Variants in SMAD2 observed in about 807,000 individuals in gnomAD.
SMAD2 encodes the protein SMAD family member 2, also known as MAD homolog 2.
Under a neutral mutation model 64.4 loss-of-function variants are expected in SMAD2, and 8 were observed. The observed-to-expected ratio is 0.12, with a 90% CI of 0.07 to 0.22. The LOEUF is 0.22. SMAD2 is among the 10% of genes least tolerant of loss of function. The pLI is 1.00. For synonymous variants in SMAD2, 203 were observed against 195.8 expected, an observed-to-expected ratio of 1.04 and a Z score of -0.31; for missense variants, 289 against 561.2, an observed-to-expected ratio of 0.51 and a Z score of 4.90.
chr18:47,886,316 A>G (rs111407696), intron 2 of SMAD2, among the ~76,000 whole-genome samples: 11 of 152,226 alleles, frequency 7.2e-5, no homozygotes, highest in African/African-American at 2.7e-4. Context: ...GGTTATGTTT[A>G]GATAACATGT....
intron 1 of SMAD2, among the ~76,000 whole-genome samples, chr18:47,919,538 CAAA>C (rs1162828390): frequency 5.1e-5 from 7 of 138,024 alleles, no homozygotes; most frequent in African/African-American, 1.9e-4. Context: ...GGAGATCTAA[CAAA>C]GAAGAAAAAA....
intron 1 of SMAD2, among the ~76,000 whole-genome samples, chr18:47,902,978 C>T (rs1654887424): frequency 6.6e-6 from 1 of 152,132 alleles, no homozygotes; most frequent in Admixed American, 6.5e-5. Context: ...CACTCATCCC[C>T]ATAGGTTTCC....
intron 2 of SMAD2, among the ~76,000 whole-genome samples, chr18:47,894,993 C>A (rs765068884): frequency 5.9e-5 from 9 of 152,194 alleles, no homozygotes; most frequent in Admixed American, 1.3e-4. Context: ...CAGCCTCTAT[C>A]GTCTTGCATT....
intron 2 of SMAD2, among the ~76,000 whole-genome samples, chr18:47,895,876 T>C (rs904780342): frequency 6.6e-6 from 1 of 152,244 alleles, no homozygotes; most frequent in Non-Finnish European, 1.5e-5. Context: ...AAATCTGTAA[T>C]GTACACAAGT....
intron 10 of SMAD2, among the ~76,000 whole-genome samples, chr18:47,843,548 A>C (rs2144282074): frequency 6.6e-6 from 1 of 152,356 alleles, no homozygotes; most frequent in Non-Finnish European, 1.5e-5. Context: ...GATGACATTA[A>C]GGAAATTTAA....
At chr18:47,922,763 A>C (rs908562073) in intron 1 of SMAD2, 1 of 152,264 alleles carries the variant, frequency 6.6e-6, no homozygotes, top group Non-Finnish European at 1.5e-5. Flanking sequence ...ACCTCAAAAA[A>C]ATTAAAATAC....
intron 6 of SMAD2, among the ~76,000 whole-genome samples, chr18:47,859,191 G>A (rs757964822): frequency 5.9e-5 from 9 of 152,026 alleles, no homozygotes; most frequent in Admixed American, 1.3e-4. Context: ...AAAGACACAC[G>A]AAGCAAAAAC....
chr18:47,846,575 T>C (rs1489317607), intron 8 of SMAD2, among the ~76,000 whole-genome samples: 1 of 152,148 alleles, frequency 6.6e-6, no homozygotes, highest in Middle Eastern at 3.2e-3. Context: ...GCTAAGTGAT[T>C]CAAAGCATGA....
Position 47,823,840 on chromosome 18 carries a change from T to C in SMAD2, c.*17987A>G, listed in dbSNP as rs1225702635. ...GTGTATTTCCTTTTTAAACTTTGTATCTGTTATTTGCCAAATTTTCTGCAG... is the reference window on the plus strand; with the variant it reads ...GTGTATTTCCTTTTTAAACTTTGTACCTGTTATTTGCCAAATTTTCTGCAG... On this transcript the variant is annotated 3_prime_UTR_variant, in exon 11 of 11. Transcript: ENST00000262160. The C allele has an allele frequency of 1.3e-5, 2 of 152,208 alleles. No individual in the cohort carries two copies. The highest frequency in any genetic ancestry group is 2.9e-5 in the Non-Finnish European group (2 of 68,028). 9.4% of individuals were successfully genotyped at this position (152,208 alleles called of 1,614,324 possible).
intron 2 of SMAD2, among the ~76,000 whole-genome samples, chr18:47,885,668 A>G (rs1225303812): frequency 6.6e-6 from 1 of 152,168 alleles, no homozygotes; most frequent in Non-Finnish European, 1.5e-5. Context: ...CAATACAACA[A>G]TGAAGAATAC....
intron 2 of SMAD2, among the ~76,000 whole-genome samples, chr18:47,884,175 T>TTAA (rs2032762209): frequency 1.3e-5 from 2 of 152,334 alleles, no homozygotes; most frequent in East Asian, 3.9e-4. Flanking sequence ...TCATGCCCTC[T>TTAA]TGGTGCATGT....
chr18:47,900,864 G>A (rs1230498633), intron 1 of SMAD2, among the ~76,000 whole-genome samples: 1 of 152,068 alleles, frequency 6.6e-6, no homozygotes, highest in East Asian at 1.9e-4. Flanking sequence ...CAAAAGCATA[G>A]TGTTTTATTT....
In SMAD2 at chr18:47,835,380, C is replaced by T. The variant is rs1913321942; in HGVS notation, c.*6447G>A. On this transcript the variant is annotated 3_prime_UTR_variant, in exon 11 of 11. Coordinates refer to ENST00000262160, the MANE Select transcript of SMAD2 (RefSeq NM_005901.6). ...AGTTATATAAAGCAATGGATTTCCA[C>T]ATTCTTAAAGCAGGAACCTATATTC... 4.9e-6 allele frequency: 1 copy of T among 203,580 alleles called. No individual in the cohort carries two copies. The highest frequency in any genetic ancestry group is 1.0e-5 in the Non-Finnish European group (1 of 99,240). 12.6% of individuals were successfully genotyped at this position (203,580 alleles called of 1,614,324 possible).
chr18:47,845,826 G>A (rs766710147), intron 8 of SMAD2, 26 bp from the exon 9 acceptor site: 2 of 1,605,662 alleles, frequency 1.2e-6, no homozygotes, highest in East Asian at 2.2e-5. Flanking sequence ...AATGAGATTA[G>A]TTTTGTAACA....
chr18:47,905,751 T>A (rs2033877101), intron 1 of SMAD2, among the ~76,000 whole-genome samples: 1 of 152,164 alleles, frequency 6.6e-6, no homozygotes, highest in African/African-American at 2.4e-5. Flanking sequence ...AGCAGAATCT[T>A]AAGCTCTTAG....
chr18:47,854,547 T>G (rs903278817), intron 6 of SMAD2, among the ~76,000 whole-genome samples: 1 of 152,178 alleles, frequency 6.6e-6, no homozygotes, highest in Non-Finnish European at 1.5e-5. Context: ...TTTTAGCCAA[T>G]TCTATTAACT....
At chr18:47,885,174 C>CCTAG (rs1568082479) in intron 2 of SMAD2, among the ~76,000 whole-genome samples, 1 of 116,396 alleles carries the variant, frequency 8.6e-6, no homozygotes, top group African/African-American at 3.0e-5. Context: ...CACACACACA[C>CCTAG]ACACACACAT....
At position 47,841,980 on chromosome 18, in the gene SMAD2, T is replaced by C. The variant is rs1362452976; in HGVS notation, c.1281-30A>G. 5 of 1,613,688 alleles carry C rather than the reference T, an allele frequency of 3.1e-6. No homozygotes were observed. In the South Asian group the frequency reaches 3.3e-5, roughly 11 times the overall value. On this transcript the variant is annotated intron_variant, in intron 10 of 10. Coordinates refer to ENST00000262160, the MANE Select transcript of SMAD2 (RefSeq NM_005901.6). Reference sequence around the variant, plus strand: ...TTAAAAGAATACAGGAAAATGATTATGAAATTCAAGTCCACAGGCAGGGAA... The same window carrying C: ...TTAAAAGAATACAGGAAAATGATTACGAAATTCAAGTCCACAGGCAGGGAA...
intron 2 of SMAD2, among the ~76,000 whole-genome samples, chr18:47,872,874 A>T (rs1038942572): frequency 9.2e-5 from 14 of 152,178 alleles, no homozygotes; most frequent in Middle Eastern, 3.2e-3. Flanking sequence ...GATTTAAAGT[A>T]TGAGAAAATG....
Sources: allele counts gnomAD v4.1 joint callset (sites outside exome capture counted in the v4.1 genomes callset), GRCh38; gene constraint gnomAD v4.1.1; transcripts MANE v1.5; gene names NCBI Gene and HGNC (gene_info 2026-07-23, HGNC 2026-07-21).